SNTG2: variants seen among roughly 807,000 people sequenced by gnomAD.
SNTG2 encodes the protein gamma-2-syntrophin.
SNTG2 carries 74 observed loss-of-function variants against 70.9 expected under a neutral mutation model. That is an observed-to-expected ratio of 1.04 (90% CI 0.86 to 1.27). The LOEUF is 1.27. SNTG2 is among the 50% of genes most tolerant of loss of function. The pLI is 0.00. For synonymous variants in SNTG2, 278 were observed against 273.8 expected (o/e 1.02, Z -0.15); for missense variants, 717 against 690.7 (o/e 1.04, Z -0.43).
chr2:1,265,624 TGTGCCTAGA>T (rs1446605742), intron 13 of SNTG2, among the ~76,000 whole-genome samples: 1 of 152,220 alleles, frequency 6.6e-6, no homozygotes, highest in African/African-American at 2.4e-5. Context: ...ACCTCAAACC[TGTGCCTAGA>T]GTGCATGTGT....
chr2:1,330,824 A>G (rs1659486046), intron 16 of SNTG2, among the ~76,000 whole-genome samples: 1 of 152,156 alleles, frequency 6.6e-6, no homozygotes, highest in Non-Finnish European at 1.5e-5. Context: ...GTGCCCCTTA[A>G]AGGAGAGCTC....
chr2:1,025,562 C>T (rs1660433969), intron 1 of SNTG2, among the ~76,000 whole-genome samples: 1 of 152,202 alleles, frequency 6.6e-6, no homozygotes, highest in South Asian at 2.1e-4. Flanking sequence ...TTCTGGAGGG[C>T]AATCTGTTTC....
At chr2:1,251,347 C>T (rs901936915) in intron 12 of SNTG2, among the ~76,000 whole-genome samples, 1 of 152,034 alleles carries the variant, frequency 6.6e-6, no homozygotes, top group Non-Finnish European at 1.5e-5. Context: ...GTTAATTACA[C>T]CAATATAGAC....
intron 7 of SNTG2, 85 bp from the exon 8 acceptor site, chr2:1,173,007 A>C: frequency 8.0e-7 from 1 of 1,256,512 alleles, no homozygotes; most frequent in South Asian, 1.3e-5. Context: ...CTTCCCATGC[A>C]CAGGTAGAAC....
Position 1,165,307 on chromosome 2 carries a change from G to A in SNTG2, c.412-241G>A, listed in dbSNP as rs57412193. On this transcript the variant is annotated intron_variant, in intron 6 of 16. Coordinates refer to ENST00000308624, the MANE Select transcript of SNTG2 (RefSeq NM_018968.4). ...CCCTGTGATGTGTTGTGGATGATAC[G>A]GGCAGACCCCTGCTCACTCATGCAC... 2.9e-3 allele frequency among the ~76,000 whole-genome samples: 438 copies of A among 152,026 alleles called. 25 individuals carry two copies. In the East Asian group the frequency reaches 0.075, roughly 26 times the overall value.
At chr2:996,681 T>TTTTTTTTTGTTTTTTTTTG (rs1558301331) in intron 1 of SNTG2, among the ~76,000 whole-genome samples, 1 of 119,432 alleles carries the variant, frequency 8.4e-6, no homozygotes, top group African/African-American at 3.5e-5. Flanking sequence ...CAGTTTTTTT[T>TTTTTTTTTGTTTTTTTTTG]TTTTTTTTTT....
chr2:1,045,386 A>G (rs1258434860), intron 1 of SNTG2, among the ~76,000 whole-genome samples: 1 of 151,724 alleles, frequency 6.6e-6, no homozygotes, highest in Non-Finnish European at 1.5e-5. Context: ...AGTTTCATTC[A>G]GTTCAGCTCT....
At chr2:1,063,579 A>G (rs1431350256) in intron 1 of SNTG2, among the ~76,000 whole-genome samples, 1 of 152,206 alleles carries the variant, frequency 6.6e-6, no homozygotes, top group African/African-American at 2.4e-5. Context: ...GAAAATAACT[A>G]TGACCCACAT....
intron 2 of SNTG2, among the ~76,000 whole-genome samples, chr2:1,095,735 G>A (rs11674922): frequency 0.59 from 89,647 of 152,000 alleles, 26,747 homozygotes; most frequent in East Asian, 0.72. Flanking sequence ...ATTTTCTCTC[G>A]TCTTGTACTT....
At chr2:1,069,501 A>G (rs1451379072) in intron 1 of SNTG2, among the ~76,000 whole-genome samples, 2 of 151,278 alleles carry the variant, frequency 1.3e-5, no homozygotes, top group South Asian at 2.1e-4. Flanking sequence ...AAAAAAAAAA[A>G]ACAAAAACAG....
chr2:971,619 A>G (rs1266808387), intron 1 of SNTG2, among the ~76,000 whole-genome samples: 3 of 151,138 alleles, frequency 2.0e-5, no homozygotes, highest in Non-Finnish European at 3.0e-5. Flanking sequence ...GGTTTTGCTA[A>G]TCTTTTGTAT....
At chr2:1,151,704 C>G (rs1273877279) in intron 6 of SNTG2, among the ~76,000 whole-genome samples, 1 of 152,186 alleles carries the variant, frequency 6.6e-6, no homozygotes. Flanking sequence ...GCGCCCTTTG[C>G]CCGTGCGTGC....
chr2:1,130,565 GA>G (rs1667955019), intron 4 of SNTG2, among the ~76,000 whole-genome samples: 1 of 152,170 alleles, frequency 6.6e-6, no homozygotes, highest in East Asian at 1.9e-4. Context: ...ACTCCATCTA[GA>G]TGGCTTGTCC....
At chr2:1,210,907 C>T (rs924060179) in intron 9 of SNTG2, among the ~76,000 whole-genome samples, 3 of 152,118 alleles carry the variant, frequency 2.0e-5, no homozygotes, top group African/African-American at 7.2e-5. Flanking sequence ...GTGTTGTAGC[C>T]TGTATCATCT....
At chr2:1,176,785 A>G (rs996372583) in intron 8 of SNTG2, among the ~76,000 whole-genome samples, 20 of 152,174 alleles carry the variant, frequency 1.3e-4, no homozygotes, top group Admixed American at 8.5e-4. Flanking sequence ...CAAAACCACA[A>G]TGAGATACCA....
chr2:1,047,232 T>TCTTTACACCATCTC (rs1391016990), intron 1 of SNTG2, among the ~76,000 whole-genome samples: 1 of 152,206 alleles, frequency 6.6e-6, no homozygotes, highest in African/African-American at 2.4e-5. Context: ...GGGTATTTCA[T>TCTTTACACCATCTC]CTTTAATCTC....
intron 6 of SNTG2, among the ~76,000 whole-genome samples, chr2:1,157,956 A>G (rs1670009623): frequency 6.6e-6 from 1 of 152,198 alleles, no homozygotes; most frequent in African/African-American, 2.4e-5. Context: ...TCATTGCTCT[A>G]GGCACAAAAG....
At chr2:1,135,344 G>A (rs1052129709) in intron 4 of SNTG2, among the ~76,000 whole-genome samples, 15 of 152,062 alleles carry the variant, frequency 9.9e-5, no homozygotes, top group Admixed American at 7.2e-4. Flanking sequence ...GGTTAGAAGA[G>A]TCAGATGCGT....
chr2:1,211,060 TATAG>T (rs1674007495), intron 9 of SNTG2, among the ~76,000 whole-genome samples: 2 of 152,202 alleles, frequency 1.3e-5, no homozygotes, highest in South Asian at 4.1e-4. Flanking sequence ...GGGGCTGAAA[TATAG>T]ATAGATTACA....
Sources: gnomAD v4.1 joint callset for allele counts (sites outside exome capture counted in the v4.1 genomes callset) on GRCh38, gnomAD v4.1.1 for gene constraint, MANE v1.5 for transcripts, NCBI Gene and HGNC (gene_info 2026-07-23, HGNC 2026-07-21) for gene names.